PLPPR5: variants seen among roughly 807,000 people sequenced by gnomAD.
The protein encoded by PLPPR5 is phospholipid phosphatase related 5.
In PLPPR5, 16 loss-of-function variants were observed where a neutral mutation model predicts 33.9. The observed-to-expected ratio is 0.47, with a 90% confidence interval of 0.32 to 0.72. The LOEUF (loss-of-function observed/expected upper bound fraction) is 0.72, where lower values mean the gene tolerates loss of function less well. PLPPR5 is among the 30% of genes least tolerant of loss of function. The probability of loss-of-function intolerance (pLI) is 0.03; values close to 1 mark genes in which losing one functional copy is unlikely to be tolerated. For synonymous variants in PLPPR5, 163 were observed against 150.3 expected (o/e 1.08, Z -0.62); for missense variants, 301 against 406.7 (o/e 0.74, Z 2.23).
intron 1 of PLPPR5, among the ~76,000 whole-genome samples, chr1:98,984,572 C>T (rs993825015): frequency 3.3e-5 from 5 of 152,064 alleles, no homozygotes; most frequent in African/African-American, 1.2e-4. Flanking sequence ...CACTCAGGAA[C>T]ACCTATCTTG....
At chr1:98,964,292 G>A (rs1245069504) in intron 1 of PLPPR5, among the ~76,000 whole-genome samples, 1 of 152,140 alleles carries the variant, frequency 6.6e-6, no homozygotes, top group Non-Finnish European at 1.5e-5. Flanking sequence ...AACTGAGATC[G>A]ACTGAGAAGC....
intron 1 of PLPPR5, among the ~76,000 whole-genome samples, chr1:98,966,776 G>A (rs1415020669): frequency 4.6e-5 from 7 of 152,248 alleles, no homozygotes; most frequent in Admixed American, 1.3e-4. Context: ...ACATGAAGCT[G>A]CCATCCCACC....
At chr1:99,000,131 C>T (rs1285918162) in intron 1 of PLPPR5, among the ~76,000 whole-genome samples, 1 of 152,170 alleles carries the variant, frequency 6.6e-6, no homozygotes. Context: ...TCTGTACAAG[C>T]AATGTCCAGT....
chr1:98,930,439 C>A (rs1649922761), intron 3 of PLPPR5, among the ~76,000 whole-genome samples: 1 of 152,004 alleles, frequency 6.6e-6, no homozygotes, highest in Non-Finnish European at 1.5e-5. Flanking sequence ...ATACATATAT[C>A]ATCTAGAACC....
At chr1:98,994,780 A>C (rs919724524) in intron 1 of PLPPR5, among the ~76,000 whole-genome samples, 2 of 152,152 alleles carry the variant, frequency 1.3e-5, no homozygotes, top group African/African-American at 2.4e-5. Context: ...GTGGATGTAA[A>C]AAAGAATTTT....
intron 1 of PLPPR5, among the ~76,000 whole-genome samples, chr1:98,984,826 A>G (rs1489101493): frequency 1.3e-5 from 2 of 152,014 alleles, no homozygotes; most frequent in Non-Finnish European, 2.9e-5. Context: ...CCAGGCAAAG[A>G]AAATACTTTC....
chr1:98,960,244 C>T (rs1557684476), intron 1 of PLPPR5, among the ~76,000 whole-genome samples: 1 of 151,960 alleles, frequency 6.6e-6, no homozygotes, highest in African/African-American at 2.4e-5. Context: ...CACTCTGTCA[C>T]CCAGGCTGGA....
At chr1:98,907,009 C>G (rs1310802802) in intron 5 of PLPPR5, among the ~76,000 whole-genome samples, 2 of 151,996 alleles carry the variant, frequency 1.3e-5, no homozygotes, top group Non-Finnish European at 2.9e-5. Context: ...TCAACATTTT[C>G]CAGTGTGGAC....
At chr1:98,940,023 G>A (rs1650315958) in intron 3 of PLPPR5, among the ~76,000 whole-genome samples, 1 of 151,872 alleles carries the variant, frequency 6.6e-6, no homozygotes, top group Non-Finnish European at 1.5e-5. Flanking sequence ...ATAGTCTAGT[G>A]TAAACGAGTG....
In PLPPR5 at chr1:98,922,077, A is replaced by AC. The variant is rs1421578929; in HGVS notation, c.622-20_622-19insG. 1 of 1,609,484 alleles carries AC rather than the reference A, an allele frequency of 6.2e-7. No individual in the cohort carries two copies. ...TGTACATCTGAAACATTCAATAAAAAAAATGACTTTTCATGAAGGTATTTC... is the reference window on the plus strand; with the variant it reads ...TGTACATCTGAAACATTCAATAAAAACAAATGACTTTTCATGAAGGTATTTC... On this transcript the variant is annotated intron_variant, in intron 3 of 5. Coordinates refer to ENST00000263177, the MANE Select transcript of PLPPR5 (RefSeq NM_001037317.2).
At chr1:98,948,082 C>A (rs1650628347) in intron 3 of PLPPR5, among the ~76,000 whole-genome samples, 1 of 152,190 alleles carries the variant, frequency 6.6e-6, no homozygotes, top group African/African-American at 2.4e-5. Flanking sequence ...CTACTCCAGA[C>A]ACAATCCCTG....
intron 4 of PLPPR5, among the ~76,000 whole-genome samples, chr1:98,915,637 T>A (rs147587864): frequency 4.7e-4 from 72 of 152,216 alleles, no homozygotes; most frequent in African/African-American, 1.7e-3. Context: ...GACCCTTGTT[T>A]CAATGGATTA....
intron 1 of PLPPR5, among the ~76,000 whole-genome samples, chr1:98,961,103 G>T (rs138180942): frequency 2.4e-3 from 366 of 152,132 alleles, no homozygotes; most frequent in Admixed American, 4.6e-3. Flanking sequence ...TCCCTCTCAC[G>T]CACAGGGGAC....
intron 3 of PLPPR5, among the ~76,000 whole-genome samples, chr1:98,923,759 G>A (rs1055236138): frequency 7.9e-5 from 12 of 152,284 alleles, no homozygotes; most frequent in Middle Eastern, 3.4e-3. Context: ...GATAATTTCA[G>A]TTATGGAGGG....
chr1:98,916,078 A>C lies in PLPPR5; in HGVS notation c.799-1158T>G, dbSNP rs112803839. 8.8e-3 allele frequency among the ~76,000 whole-genome samples: 1,338 copies of C among 152,334 alleles called. 14 individuals are homozygous for C. Among genetic ancestry groups the C allele is most frequent in the African/African-American group, 0.03 (1,255 of 41,578 alleles). Reference sequence around the variant, plus strand: ...TCATATTTTCACAAATGCTACACTGAAAAGCCTTTTCTTTCATAGAGTTCA... The same window carrying C: ...TCATATTTTCACAAATGCTACACTGCAAAGCCTTTTCTTTCATAGAGTTCA... On this transcript the variant is annotated intron_variant, in intron 4 of 5. Coordinates refer to ENST00000263177, the MANE Select transcript of PLPPR5 (RefSeq NM_001037317.2).
chr1:98,918,907 C>T (rs1038184832), intron 4 of PLPPR5, among the ~76,000 whole-genome samples: 13 of 152,122 alleles, frequency 8.5e-5, no homozygotes, highest in African/African-American at 2.9e-4. Context: ...TGTACCAGAC[C>T]TTGTTCTAGT....
At chr1:98,945,822 A>G (rs1487500344) in intron 3 of PLPPR5, among the ~76,000 whole-genome samples, 1 of 152,186 alleles carries the variant, frequency 6.6e-6, no homozygotes, top group Non-Finnish European at 1.5e-5. Flanking sequence ...GCCATAGTGT[A>G]AGTAAGCTGG....
intron 5 of PLPPR5, among the ~76,000 whole-genome samples, chr1:98,896,624 G>A (rs1648481821): frequency 6.6e-6 from 1 of 152,034 alleles, no homozygotes; most frequent in Admixed American, 6.6e-5. Flanking sequence ...TCACTCAGGT[G>A]CACAGCAAAC....
intron 5 of PLPPR5, among the ~76,000 whole-genome samples, chr1:98,893,613 A>C: frequency 2.5e-5 from 3 of 121,198 alleles, no homozygotes; most frequent in Non-Finnish European, 3.4e-5. Flanking sequence ...AATTCTTCAC[A>C]GCGCCTTTTT....
Sources: gnomAD v4.1 joint callset for allele counts (sites outside exome capture counted in the v4.1 genomes callset) on GRCh38, gnomAD v4.1.1 for gene constraint, MANE v1.5 for transcripts, NCBI Gene and HGNC (gene_info 2026-07-23, HGNC 2026-07-21) for gene names.